CLDN16: variants seen among roughly 807,000 people sequenced by gnomAD.
CLDN16 encodes the protein claudin 16, also known as claudin-16.
In CLDN16, 13 loss-of-function variants were observed where a neutral mutation model predicts 24.6. The ratio of observed to expected loss-of-function variants is 0.53; its 90% CI spans 0.34 to 0.84. The LOEUF is 0.84. CLDN16 is among the 40% of genes least tolerant of loss of function. CLDN16 has a pLI of 0.01. For synonymous variants in CLDN16, 116 were observed against 106.7 expected (o/e 1.09, Z -0.54); for missense variants, 298 against 292.7 (o/e 1.02, Z -0.13).
intron 1 of CLDN16, among the ~76,000 whole-genome samples, chr3:190,330,756 T>C (rs1717165889): frequency 6.6e-6 from 1 of 152,176 alleles, no homozygotes; most frequent in South Asian, 2.1e-4. Flanking sequence ...TATTGTGTCA[T>C]AAGATGAATT....
intron 1 of CLDN16, among the ~76,000 whole-genome samples, chr3:190,346,913 C>T (rs1400374061): frequency 2.0e-5 from 3 of 152,148 alleles, no homozygotes; most frequent in African/African-American, 7.2e-5. Flanking sequence ...CACCCTAATC[C>T]AGTATTACCT....
intron 1 of CLDN16, among the ~76,000 whole-genome samples, chr3:190,388,841 A>G (rs983547408): frequency 6.6e-6 from 1 of 152,212 alleles, no homozygotes; most frequent in Non-Finnish European, 1.5e-5. Flanking sequence ...CATTAAGAAT[A>G]GTGTGATAGA....
At chr3:190,364,484 C>G (rs1211177565) in intron 1 of CLDN16, among the ~76,000 whole-genome samples, 1 of 151,854 alleles carries the variant, frequency 6.6e-6, no homozygotes, top group Admixed American at 6.6e-5. Flanking sequence ...TCCTGTTGTC[C>G]CACGGGTAGA....
intron 1 of CLDN16, among the ~76,000 whole-genome samples, chr3:190,342,309 G>A (rs1392671821): frequency 1.3e-5 from 2 of 152,212 alleles, no homozygotes; most frequent in Non-Finnish European, 2.9e-5. Context: ...GGCTGGGGAT[G>A]CATCACAATT....
chr3:190,398,488 T>C (rs7622375), intron 1 of CLDN16, among the ~76,000 whole-genome samples: 3 of 152,188 alleles, frequency 2.0e-5, no homozygotes, highest in African/African-American at 7.2e-5. Flanking sequence ...TCTCTTATAA[T>C]GAAATTTGTC....
At chr3:190,321,848 G>T, upstream of CLDN16, 2 of 718,918 alleles carry the variant, frequency 2.8e-6, no homozygotes, top group Non-Finnish European at 4.7e-6. Context: ...ATTTCCTTAT[G>T]ACAGAGCACA....
chr3:190,339,487 G>A (rs1170240501), intron 1 of CLDN16, among the ~76,000 whole-genome samples: 2 of 152,204 alleles, frequency 1.3e-5, no homozygotes, highest in African/African-American at 4.8e-5. Context: ...GTGTTGAGGA[G>A]ACAATGTATG....
At chr3:190,357,709 G>A (rs1465967313) in intron 1 of CLDN16, among the ~76,000 whole-genome samples, 1 of 151,814 alleles carries the variant, frequency 6.6e-6, no homozygotes, top group Non-Finnish European at 1.5e-5. Context: ...CTTTACTCGT[G>A]GTTTCCCATC....
rs188713453 is a variant in CLDN16, at chr3:190,404,094, G to A, written c.218-668G>A. ...ATATGGGGGTAGAGAAATAAGTCAC[G>A]TCTGGAAGAGATAAAACCCATATGG... On this transcript the variant is annotated intron_variant, in intron 2 of 4. Coordinates refer to ENST00000264734, the MANE Select transcript of CLDN16 (RefSeq NM_006580.4). 3.0e-4 allele frequency among the ~76,000 whole-genome samples: 46 copies of A among 152,138 alleles called. No homozygotes were observed. In the East Asian group the frequency reaches 3.5e-3, roughly 11 times the overall value.
intron 1 of CLDN16, among the ~76,000 whole-genome samples, chr3:190,349,635 C>T (rs748136348): frequency 2.6e-5 from 4 of 152,150 alleles, no homozygotes; most frequent in Non-Finnish European, 4.4e-5. Context: ...CGTTGACTTG[C>T]ATAGTTTGAC....
chr3:190,380,261 C>CCTTCCTTCCTTCCTTT (rs1560091564), intron 3 of CLDN16, among the ~76,000 whole-genome samples: 5 of 148,716 alleles, frequency 3.4e-5, no homozygotes, highest in African/African-American at 9.9e-5. Context: ...TTCCTTTCTT[C>CCTTCCTTCCTTCCTTT]CTTCCTTCCT....
rs1477588982 is a variant in CLDN16, at chr3:190,402,437, C to T, written c.215C>T (p.Pro72Leu). 1 of 1,609,662 alleles carries T rather than the reference C, an allele frequency of 6.2e-7. No homozygotes were observed. Among genetic ancestry groups the T allele is most frequent in the Non-Finnish European group, 8.5e-7 (1 of 1,176,152 alleles). ...DEYDSILAEHPLKLVVTRALM... is the reference protein window; with the variant it reads ...DEYDSILAEHLLKLVVTRALM... Reference sequence around the variant, plus strand: ...TACGATTCCATACTTGCGGAGCATCCCTGTACGTATGCCTTAGAGCTCACT... The same window carrying T: ...TACGATTCCATACTTGCGGAGCATCTCTGTACGTATGCCTTAGAGCTCACT... Residue 72 changes from proline (P) to leucine (L), a missense_variant and splice_region_variant, in exon 2 of 5, where the codon CCC (proline) becomes CTC (leucine). By Grantham distance (98) the Pro-to-Leu change is moderately conservative. Coordinates refer to ENST00000264734, the MANE Select transcript of CLDN16 (RefSeq NM_006580.4).
At chr3:190,401,834 A>G (rs1718969477) in intron 1 of CLDN16, among the ~76,000 whole-genome samples, 1 of 151,960 alleles carries the variant, frequency 6.6e-6, no homozygotes, top group African/African-American at 2.4e-5. Flanking sequence ...TAATTATTTT[A>G]TATTTATAAA....
chr3:190,408,630 T>A, intron 4 of CLDN16, 125 bp downstream of exon 4: 2 of 878,042 alleles, frequency 2.3e-6, no homozygotes, highest in Non-Finnish European at 3.6e-6. Flanking sequence ...CCATTAAAAA[T>A]TCCAATTGTT....
At chr3:190,292,735 T>C in the CLDN16 span, among the ~76,000 whole-genome samples, 1 of 152,200 alleles carries the variant, frequency 6.6e-6, no homozygotes, top group Non-Finnish European at 1.5e-5. Context: ...AGAGGCAAAA[T>C]GCCACCAGTC....
chr3:190,406,828 A>G lies in CLDN16; in HGVS notation c.383-1486A>G, dbSNP rs1032841576. On this transcript the variant is annotated intron_variant, in intron 3 of 4. Transcript: ENST00000264734. ...GTGATCTCGGCTCACTGCAAGCTCC[A>G]CCTCCTGGGTTCACGCCATTCTCCT... is the stretch of plus-strand genomic sequence containing the variant. Among the ~76,000 whole-genome samples the G allele has an allele frequency of 3.0e-5, 4 of 133,276 alleles. No homozygotes were observed. In the Admixed American group the frequency reaches 3.6e-4, roughly 12 times the overall value. The allele number at this position is 133,276 out of a possible 152,430, so 87.4% of individuals were successfully genotyped here.
At chr3:190,310,267 A>G in the CLDN16 span, 1 of 1,603,636 alleles carries the variant, frequency 6.2e-7, no homozygotes, top group Admixed American at 1.7e-5. Context: ...TAGAAATTCA[A>G]AACAAAAGAC....
intron 1 of CLDN16, among the ~76,000 whole-genome samples, chr3:190,389,113 G>T (rs950461155): frequency 6.6e-6 from 1 of 152,082 alleles, no homozygotes; most frequent in Non-Finnish European, 1.5e-5. Flanking sequence ...CACATTTGAG[G>T]ATTTTATTTT....
At chr3:190,338,309 C>T (rs554229898) in intron 1 of CLDN16, among the ~76,000 whole-genome samples, 1 of 152,072 alleles carries the variant, frequency 6.6e-6, no homozygotes, top group African/African-American at 2.4e-5. Context: ...GACCAACAAG[C>T]AAGAAAAGGA....
Sources: gnomAD v4.1 joint callset for allele counts (sites outside exome capture counted in the v4.1 genomes callset) on GRCh38, gnomAD v4.1.1 for gene constraint, MANE v1.5 for transcripts, NCBI Gene and HGNC (gene_info 2026-07-23, HGNC 2026-07-21) for gene names.